The following CC2D2B variants were observed in gnomAD, a reference collection of about 807,000 sequenced individuals.
The protein encoded by CC2D2B is protein CC2D2B.
In CC2D2B, 128 loss-of-function variants were observed where a neutral mutation model predicts 161.2. That is an observed-to-expected ratio of 0.79 (90% CI 0.69 to 0.92). The LOEUF is 0.92. CC2D2B is among the 40% of genes least tolerant of loss of function. The probability of loss-of-function intolerance (pLI) is 0.00; values close to 1 mark genes in which losing one functional copy is unlikely to be tolerated. For synonymous variants in CC2D2B, 391 were observed against 449.8 expected (o/e 0.87, Z 1.65); for missense variants, 1,173 against 1,375.1 (o/e 0.85, Z 2.32).
At chr10:95,948,001 C>T (rs1175766783) in intron 9 of CC2D2B, among the ~76,000 whole-genome samples, 1 of 152,228 alleles carries the variant, frequency 6.6e-6, no homozygotes, top group East Asian at 1.9e-4. Flanking sequence ...CTCTGGCCCA[C>T]GGTTCTAAAC....
intron 29 of CC2D2B, among the ~76,000 whole-genome samples, chr10:96,015,915 C>T (rs1301458404): frequency 6.6e-6 from 1 of 152,128 alleles, no homozygotes; most frequent in East Asian, 1.9e-4. Context: ...TTGTCCTAAA[C>T]AAAAACATCC....
At chr10:95,976,564 G>A (rs2077320842) in intron 17 of CC2D2B, among the ~76,000 whole-genome samples, 1 of 152,206 alleles carries the variant, frequency 6.6e-6, no homozygotes, top group East Asian at 1.9e-4. Flanking sequence ...CTGGCTCTGA[G>A]CAGTAGGTTC....
chr10:96,004,026 T>C, intron 24 of CC2D2B, 126 bp from the exon 25 acceptor site: 3 of 587,302 alleles, frequency 5.1e-6, no homozygotes, highest in South Asian at 5.0e-5. Context: ...TAGAACTTTT[T>C]CTTAGTTTAT....
chr10:95,971,002 T>C (rs1225262293), intron 15 of CC2D2B, among the ~76,000 whole-genome samples: 1 of 152,114 alleles, frequency 6.6e-6, no homozygotes, highest in Non-Finnish European at 1.5e-5. Flanking sequence ...CAAGGAGCAA[T>C]TTTCCCCTCT....
intron 12 of CC2D2B, among the ~76,000 whole-genome samples, chr10:95,964,282 C>T (rs767228272): frequency 6.6e-6 from 1 of 152,134 alleles, no homozygotes; most frequent in Admixed American, 6.6e-5. Context: ...CTGGGTATAA[C>T]ACCTATTGTC....
chr10:95,924,689 C>A, intron 4 of CC2D2B, 90 bp from the exon 5 acceptor site: 1 of 817,618 alleles, frequency 1.2e-6, no homozygotes, highest in Non-Finnish European at 2.0e-6. Flanking sequence ...AAAAACATTG[C>A]AAAGTATTGA....
At position 96,008,141 on chromosome 10, in the gene CC2D2B, C is replaced by T. The variant is rs547637814; in HGVS notation, c.2947-1684C>T. Among the ~76,000 whole-genome samples the T allele has an allele frequency of 4.8e-5, 7 of 144,836 alleles. No homozygotes were observed. The South Asian group carries it at 1.3e-3, about 27-fold the overall frequency. Reference sequence around the variant, plus strand: ...TCGTTTCTATTTTCTAGAATTTTATCGAAAATGGAATCCTATGGTATGTGT... The same window carrying T: ...TCGTTTCTATTTTCTAGAATTTTATTGAAAATGGAATCCTATGGTATGTGT... On this transcript the variant is annotated intron_variant, in intron 25 of 34. Transcript: ENST00000646931.
At chr10:95,985,907 G>A (rs570727406) in intron 19 of CC2D2B, among the ~76,000 whole-genome samples, 3 of 152,106 alleles carry the variant, frequency 2.0e-5, no homozygotes, top group African/African-American at 4.8e-5. Flanking sequence ...CCGGTCTCCC[G>A]TAGCGCTCCC....
At chr10:95,916,723 T>C (rs751003575) in intron 2 of CC2D2B, among the ~76,000 whole-genome samples, 3 of 152,178 alleles carry the variant, frequency 2.0e-5, no homozygotes, top group Non-Finnish European at 4.4e-5. Flanking sequence ...TTATTGACTT[T>C]TGATTTTATT....
At chr10:95,993,531 C>G (rs2078033980) in intron 22 of CC2D2B, among the ~76,000 whole-genome samples, 1 of 151,928 alleles carries the variant, frequency 6.6e-6, no homozygotes, top group Non-Finnish European at 1.5e-5. Context: ...TAGTTAACAT[C>G]TCTTAAAGGT....
At chr10:95,993,904 GT>G (rs2078081652) in intron 22 of CC2D2B, among the ~76,000 whole-genome samples, 1 of 2,568 alleles carries the variant, frequency 3.9e-4, no homozygotes, top group East Asian at 0.02. Context: ...GAGAGAATGT[GT>G]GTGTGTGTGT....
chr10:95,962,247 A>G (rs999135032), intron 12 of CC2D2B, among the ~76,000 whole-genome samples: 1 of 152,172 alleles, frequency 6.6e-6, no homozygotes, highest in African/African-American at 2.4e-5. Flanking sequence ...TGGATGGGAA[A>G]TGAACACATG....
At chr10:96,006,952 G>A (rs767997551) in intron 25 of CC2D2B, among the ~76,000 whole-genome samples, 2 of 152,056 alleles carry the variant, frequency 1.3e-5, no homozygotes, top group East Asian at 1.9e-4. Flanking sequence ...TATATAATTC[G>A]TATTGTTGAT....
chr10:95,953,120 AAAG>A (rs1405001019), intron 10 of CC2D2B, among the ~76,000 whole-genome samples: 1 of 152,174 alleles, frequency 6.6e-6, no homozygotes, highest in African/African-American at 2.4e-5. Context: ...TAAGTCCATA[AAAG>A]AAGTATGTCT....
chr10:96,015,469 G>GTT (rs60156277), intron 29 of CC2D2B, among the ~76,000 whole-genome samples: 9,745 of 148,050 alleles, frequency 0.066, 686 homozygotes, highest in East Asian at 0.31. Flanking sequence ...GTTTGTTTTT[G>GTT]TTTTTTTTTT....
intron 29 of CC2D2B, among the ~76,000 whole-genome samples, chr10:96,015,231 ATTTT>A (rs58739011): frequency 4.9e-4 from 54 of 111,292 alleles, no homozygotes; most frequent in Admixed American, 1.3e-3. Flanking sequence ...GGCCCAGCTA[ATTTT>A]TTTTTTTTTT....
chr10:95,999,401 T>C (rs924480010), intron 24 of CC2D2B, among the ~76,000 whole-genome samples: 2 of 152,224 alleles, frequency 1.3e-5, no homozygotes, highest in Admixed American at 1.3e-4. Flanking sequence ...TCATTGGTCA[T>C]TGGTATTTTC....
chr10:95,976,249 C>G (rs2077308444), intron 17 of CC2D2B, among the ~76,000 whole-genome samples: 1 of 152,114 alleles, frequency 6.6e-6, no homozygotes. Flanking sequence ...GCATACATTC[C>G]CTCCACTTTC....
intron 17 of CC2D2B, among the ~76,000 whole-genome samples, chr10:95,977,858 T>C (rs147439679): frequency 3.3e-5 from 5 of 152,334 alleles, no homozygotes; most frequent in Non-Finnish European, 5.9e-5. Context: ...TCTGATAATA[T>C]TGAAATATTT....
Sources: allele counts gnomAD v4.1 joint callset (sites outside exome capture counted in the v4.1 genomes callset), GRCh38; gene constraint gnomAD v4.1.1; transcripts MANE v1.5; gene names NCBI Gene and HGNC (gene_info 2026-07-23, HGNC 2026-07-21).